The following EEF1D variants were observed in gnomAD, a reference collection of about 807,000 sequenced individuals.
EEF1D encodes the protein eukaryotic translation elongation factor 1 delta.
EEF1D carries 47 observed loss-of-function variants against 63.9 expected under a neutral mutation model. The observed-to-expected ratio is 0.74, with a 90% CI of 0.58 to 0.94. EEF1D has a LOEUF of 0.94. Among genes scored for constraint, EEF1D ranks in the 40% least tolerant of loss-of-function variants. The pLI, the probability that EEF1D is intolerant of heterozygous loss-of-function variation, is 0.00. For synonymous variants in EEF1D, 412 were observed against 386.1 expected, an observed-to-expected ratio of 1.07 and a Z score of -0.79; for missense variants, 907 against 899.0, an observed-to-expected ratio of 1.01 and a Z score of -0.11.
At chr8:143,594,441 A>AG (rs1828475695) in intron 1 of EEF1D, 1 of 152,490 alleles carries the variant, frequency 6.6e-6, no homozygotes, top group Admixed American at 6.5e-5. Context: ...TCAGGAGGGC[A>AG]GGGCCCTGAG....
chr8:143,580,367 G>C (rs1825196850), intron 8 of EEF1D, 139 bp downstream of exon 8: 1 of 1,261,928 alleles, frequency 7.9e-7, no homozygotes, highest in Non-Finnish European at 1.1e-6. Context: ...CTCCAAGTTT[G>C]TGTTTATCCC....
chr8:143,589,920 C>T lies in EEF1D; in HGVS notation c.162G>A (p.Gln54=), dbSNP rs747852224. The change falls in exon 3 of 10, where the codon CAG becomes CAA. Residue 54 remains glutamine, a synonymous_variant. Transcript: ENST00000618139. ...CCTCATCAGCGTCCTCAGGGTCGTC[C>T]TGGCCGGGCCCATTCATGGCTGGCC... ...AEGPAMNGPG[Q]DDPEDADEAE... 1 of 1,598,902 alleles carries T rather than the reference C, an allele frequency of 6.3e-7. No homozygotes were observed. The highest frequency in any genetic ancestry group is 8.5e-7 in the Non-Finnish European group (1 of 1,177,388).
At chr8:143,588,287 C>T (rs1827109811) in intron 3 of EEF1D, among the ~76,000 whole-genome samples, 1 of 152,222 alleles carries the variant, frequency 6.6e-6, no homozygotes, top group African/African-American at 2.4e-5. Context: ...AGGACACCCT[C>T]GCCAACAGGC....
At chr8:143,586,885 T>C (rs369857333) in intron 3 of EEF1D, 33 bp from the exon 4 acceptor site, 23 of 1,610,288 alleles carry the variant, frequency 1.4e-5, no homozygotes, top group Non-Finnish European at 1.9e-5. Context: ...TCAGCATGGC[T>C]GGGAAGTGGG....
In EEF1D at chr8:143,580,699, G is replaced by T. The variant is rs775433607; in HGVS notation, c.1517C>A (p.Pro506His). ...QHVSPMRQVE[P>H]PAKKPATPAE... is the part of the protein sequence containing the mutation. ...TGGTGTGGCTGGCTTCTTGGCTGGGGGCTCCACTTGGCGCATGGGAGATAC... is the reference window on the plus strand; with the variant it reads ...TGGTGTGGCTGGCTTCTTGGCTGGGTGCTCCACTTGGCGCATGGGAGATAC... The change falls in exon 8 of 10, where the codon CCC becomes CAC. Residue 506 changes from proline to histidine, a missense_variant. Coordinates refer to ENST00000618139, the MANE Select transcript of EEF1D (RefSeq NM_001130053.5). 6.2e-7 allele frequency: 1 copy of T among 1,613,588 alleles called. No homozygotes were observed. The highest frequency in any genetic ancestry group is 1.1e-5 in the South Asian group (1 of 91,074).
intron 5 of EEF1D, chr8:143,584,019 C>T (rs528386395): frequency 6.6e-6 from 1 of 152,378 alleles, no homozygotes; most frequent in East Asian, 1.9e-4. Context: ...CCAGAAGGAC[C>T]ACAGCCTTGA....
intron 7 of EEF1D, 87 bp from the exon 8 acceptor site, chr8:143,580,814 TC>T: frequency 1.4e-6 from 2 of 1,471,036 alleles, no homozygotes; most frequent in South Asian, 2.3e-5. Context: ...CCCTCCTCCC[TC>T]CTTTGACTGG....
At chr8:143,596,512 G>A (rs916450287) in intron 1 of EEF1D, 2 of 152,354 alleles carry the variant, frequency 1.3e-5, no homozygotes, top group Non-Finnish European at 2.9e-5. Flanking sequence ...TGACGGGGTG[G>A]GCGGAGCTGT....
intron 4 of EEF1D, 105 bp from the exon 5 acceptor site, chr8:143,586,395 G>GA (rs1260834256): frequency 4.6e-6 from 5 of 1,095,408 alleles, no homozygotes; most frequent in Non-Finnish European, 6.4e-6. Flanking sequence ...GAGACAGCAA[G>GA]AAAGTACTGC....
At chr8:143,587,746 A>G (rs1252751300) in intron 3 of EEF1D, among the ~76,000 whole-genome samples, 1 of 152,264 alleles carries the variant, frequency 6.6e-6, no homozygotes, top group East Asian at 1.9e-4. Context: ...CATGGCCCGC[A>G]GGCAAATCCA....
At chr8:143,595,080 GT>G (rs916880324) in intron 1 of EEF1D, among the ~76,000 whole-genome samples, 1 of 149,462 alleles carries the variant, frequency 6.7e-6, no homozygotes, top group Non-Finnish European at 1.5e-5. Context: ...TAATTTTTGG[GT>G]TTTTTTTGAG....
chr8:143,591,521 T>G (rs1191614782), intron 2 of EEF1D, among the ~76,000 whole-genome samples: 1 of 152,214 alleles, frequency 6.6e-6, no homozygotes, highest in African/African-American at 2.4e-5. Context: ...CATGCCCGAC[T>G]CCAGGCTCTG....
chr8:143,595,914 A>G (rs953813310), intron 1 of EEF1D, among the ~76,000 whole-genome samples: 4 of 152,226 alleles, frequency 2.6e-5, no homozygotes, highest in South Asian at 2.1e-4. Flanking sequence ...AGCACTTAGC[A>G]TAACTCACTG....
rs1825480176 is a variant in EEF1D at position 143,581,252 on chromosome 8, A to G, written c.1364T>C (p.Val455Ala). The G allele has an allele frequency of 1.2e-6, 2 of 1,612,602 alleles. No homozygotes were observed. The highest frequency in any genetic ancestry group is 1.3e-5 in the African/African-American group (1 of 75,026). Residue 455 changes from valine to alanine, a missense_variant, in exon 6 of 10, where the codon GTG becomes GCG. Physicochemically the swap from Val to Ala is moderately conservative, Grantham distance 64. Coordinates refer to ENST00000618139, the MANE Select transcript of EEF1D (RefSeq NM_001130053.5). Reference sequence around the variant, plus strand: ...ACCGCCACGCAGACTCTGGTTCTCCACTTCCAGACTGGCAATCCGGACGAC... The same window carrying G: ...ACCGCCACGCAGACTCTGGTTCTCCGCTTCCAGACTGGCAATCCGGACGAC... ...ELVVRIASLE[V>A]ENQSLRGVVQ... is the part of the protein sequence containing the mutation.
At chr8:143,586,097 C>G (rs1279562712) in intron 5 of EEF1D, 122 bp downstream of exon 5, 1 of 794,236 alleles carries the variant, frequency 1.3e-6, no homozygotes, top group Non-Finnish European at 2.0e-6. Context: ...CCAAGGAGCA[C>G]AGCGCCGTGC....
At position 143,589,977 on chromosome 8, in the gene EEF1D, C is replaced by T. The variant is rs777359937; in HGVS notation, c.105G>A (p.Ala35=). The change falls in exon 3 of 10, where the codon GCG becomes GCA. Residue 35 remains alanine (A), a synonymous_variant. Transcript: ENST00000618139. ...RRFYEHEATQ[A]AASAQQLPAE... ...CTGGCAGCTGCTGGGCGGAGGCGGC[C>T]GCCTGTGTGGCCTCGTGTTCGTAGA... 34 of 1,599,166 alleles carry T rather than the reference C, an allele frequency of 2.1e-5. 1 individual carries two copies. Among genetic ancestry groups the T allele is most frequent in the Middle Eastern group, 1.6e-4 (1 of 6,078 alleles).
chr8:143,593,623 C>A (rs968050229), intron 1 of EEF1D, among the ~76,000 whole-genome samples: 1 of 152,144 alleles, frequency 6.6e-6, no homozygotes, highest in Non-Finnish European at 1.5e-5. Context: ...CTGGTGGAGA[C>A]GAGGATGCTA....
chr8:143,592,401 G>A (rs758486780), intron 2 of EEF1D, among the ~76,000 whole-genome samples: 2 of 151,994 alleles, frequency 1.3e-5, no homozygotes, highest in Non-Finnish European at 2.9e-5. Context: ...TCCCTGCAGG[G>A]AGCCGCATGT....
intron 2 of EEF1D, among the ~76,000 whole-genome samples, chr8:143,591,303 G>T (rs1011652185): frequency 4.6e-5 from 7 of 152,230 alleles, no homozygotes; most frequent in African/African-American, 1.7e-4. Flanking sequence ...TGGATGAGGT[G>T]TTCCCTCAAG....
Sources: gnomAD v4.1 joint callset for allele counts (sites outside exome capture counted in the v4.1 genomes callset) on GRCh38, gnomAD v4.1.1 for gene constraint, MANE v1.5 for transcripts, NCBI Gene and HGNC (gene_info 2026-07-23, HGNC 2026-07-21) for gene names.